The following RYR3 variants were observed in gnomAD, a reference collection of about 807,000 sequenced individuals.
The protein encoded by RYR3 is ryanodine receptor 3.
RYR3 carries 207 observed loss-of-function variants against 584.3 expected under a neutral mutation model. The observed-to-expected ratio is 0.35, with a 90% CI of 0.32 to 0.40. The LOEUF is 0.40. RYR3 is among the 10% of genes least tolerant of loss of function. RYR3 has a pLI of 1.00. For synonymous variants in RYR3, 2,416 were observed against 2,248.5 expected (o/e 1.07, Z -2.11); for missense variants, 5,616 against 6,089.2 (o/e 0.92, Z 2.59).
chr15:33,819,915 G>T, intron 77 of RYR3, 108 bp downstream of exon 77: 1 of 780,654 alleles, frequency 1.3e-6, no homozygotes, highest in South Asian at 2.1e-5. Context: ...ACTTTGTCAT[G>T]ACATAGGTTT....
At chr15:33,725,749 G>A (rs1233425462) in intron 45 of RYR3, among the ~76,000 whole-genome samples, 10 of 150,322 alleles carry the variant, frequency 6.7e-5, no homozygotes, top group Non-Finnish European at 1.3e-4. Flanking sequence ...CACGAGGTCA[G>A]GAGATCGAGA....
chr15:33,518,138 G>C (rs1394713594), intron 3 of RYR3, among the ~76,000 whole-genome samples: 1 of 152,066 alleles, frequency 6.6e-6, no homozygotes, highest in East Asian at 1.9e-4. Flanking sequence ...TGTTTCTCTG[G>C]CACTTCCTCT....
intron 1 of RYR3, among the ~76,000 whole-genome samples, chr15:33,432,724 G>A (rs2141754438): frequency 6.9e-6 from 1 of 145,260 alleles, no homozygotes; most frequent in African/African-American, 2.7e-5. Context: ...GTTTCACTAT[G>A]TTGGCTAGGC....
intron 62 of RYR3, among the ~76,000 whole-genome samples, chr15:33,769,971 A>G (rs1373027501): frequency 6.6e-6 from 1 of 151,944 alleles, no homozygotes; most frequent in East Asian, 1.9e-4. Context: ...TAAATAAGAG[A>G]GAAGCAGTGG....
chr15:33,821,574 T>G lies in RYR3; in HGVS notation c.10967T>G (p.Leu3656Arg), dbSNP rs1206193119. 6.2e-7 allele frequency: 1 copy of G among 1,614,018 alleles called. No individual in the cohort carries two copies. The highest frequency in any genetic ancestry group is 1.1e-5 in the South Asian group (1 of 91,090). ...VETLKLGIAI[L>R]NGGNAGVQQK... ...ACGCTGAAGCTGGGGATCGCCATTC[T>G]GAACGGAGGCAATGCTGGTGTGCAA... is the stretch of plus-strand genomic sequence containing the variant. The change falls in exon 80 of 104, where the codon CTG becomes CGG. Residue 3656 changes from leucine (L) to arginine (R), a missense_variant. Coordinates refer to ENST00000634891, the MANE Select transcript of RYR3 (RefSeq NM_001036.6).
At chr15:33,322,873 G>T (rs1216675078) in intron 1 of RYR3, among the ~76,000 whole-genome samples, 1 of 151,308 alleles carries the variant, frequency 6.6e-6, no homozygotes, top group Non-Finnish European at 1.5e-5. Context: ...TCACACTCTT[G>T]TCTACCTTAT....
intron 1 of RYR3, among the ~76,000 whole-genome samples, chr15:33,409,981 C>T (rs573923807): frequency 1.9e-4 from 29 of 152,260 alleles, no homozygotes; most frequent in South Asian, 6.2e-4. Context: ...TCCCTCACTT[C>T]GAGCAGCTCA....
intron 12 of RYR3, 92 bp from the exon 13 acceptor site, chr15:33,579,884 G>A (rs1204588044): frequency 2.1e-5 from 20 of 941,090 alleles, no homozygotes; most frequent in Non-Finnish European, 2.5e-5. Context: ...ATGGTGCACC[G>A]TGGGGGGCTG....
rs149779985 is a variant in RYR3, at chr15:33,529,372, A to G, written c.280-1220A>G. ...TGACAGAGTGATGCTATTAATCCAA[A>G]TAGAATTGAAATAAAATTACTCCAG... On this transcript the variant is annotated intron_variant, in intron 3 of 103. Transcript: ENST00000634891. Among the ~76,000 whole-genome samples, 44 of 152,280 alleles carry G rather than the reference A, an allele frequency of 2.9e-4. No individual in the cohort carries two copies. In the East Asian group the frequency reaches 7.7e-3, roughly 27 times the overall value.
At chr15:33,573,542 A>G (rs2058143761) in intron 12 of RYR3, among the ~76,000 whole-genome samples, 1 of 152,236 alleles carries the variant, frequency 6.6e-6, no homozygotes, top group Non-Finnish European at 1.5e-5. Context: ...GGAGTCTGAA[A>G]AACTCTGCTG....
chr15:33,473,152 C>G (rs2049070362), intron 1 of RYR3, among the ~76,000 whole-genome samples: 1 of 152,156 alleles, frequency 6.6e-6, no homozygotes, highest in African/African-American at 2.4e-5. Context: ...ATGCTTTGCA[C>G]AGCTCTCAGA....
chr15:33,538,938 A>G (rs2055568131), intron 5 of RYR3, among the ~76,000 whole-genome samples: 1 of 152,090 alleles, frequency 6.6e-6, no homozygotes, highest in African/African-American at 2.4e-5. Context: ...AGGGGGAGAC[A>G]AAGATGAAAG....
At chr15:33,646,170 GT>G (rs935804932) in intron 28 of RYR3, 180 bp from the exon 29 acceptor site, 1 of 533,390 alleles carries the variant, frequency 1.9e-6, no homozygotes, top group African/African-American at 1.9e-5. Context: ...GAGCAGATCT[GT>G]TTCTTCCTAC....
rs1163020489 is a variant in RYR3 at position 33,756,382 on chromosome 15, C to G, written c.8583+9C>G. 6 of 1,556,110 alleles carry G rather than the reference C, an allele frequency of 3.9e-6. No individual in the cohort carries two copies. In the East Asian group the frequency reaches 1.4e-4, roughly 37 times the overall value. ...TCAAATTCTTTGCCAAAGTAAGTGG[C>G]CCTGCACTTAATCAAATTACTTTCT... is the stretch of plus-strand genomic sequence containing the variant. On this transcript the variant is annotated intron_variant, in intron 59 of 103. Coordinates refer to ENST00000634891, the MANE Select transcript of RYR3 (RefSeq NM_001036.6).
Position 33,353,940 on chromosome 15 carries a change from T to A in RYR3, c.51+42844T>A, listed in dbSNP as rs138468893. Among the ~76,000 whole-genome samples, 104 of 152,330 alleles carry A rather than the reference T, an allele frequency of 6.8e-4. No individual in the cohort carries two copies. The South Asian group carries it at 1.0e-2, about 15-fold the overall frequency. ...GTTTTAACTCTGGGGAATGGAAAAC[T>A]GTGACTCCAGCCTTTTGAAAGATCC... On this transcript the variant is annotated intron_variant, in intron 1 of 103. Coordinates refer to ENST00000634891, the MANE Select transcript of RYR3 (RefSeq NM_001036.6).
chr15:33,853,168 T>A (rs544977995), intron 95 of RYR3, 81 bp downstream of exon 95: 1 of 1,151,114 alleles, frequency 8.7e-7, no homozygotes, highest in Admixed American at 2.9e-5. Flanking sequence ...CATACAAACA[T>A]GAGTAAATGT....
At chr15:33,498,049 C>A (rs908218724) in intron 2 of RYR3, among the ~76,000 whole-genome samples, 38 of 152,148 alleles carry the variant, frequency 2.5e-4, no homozygotes, top group African/African-American at 8.7e-4. Flanking sequence ...GGATTTTAAT[C>A]TTTTTTATGG....
chr15:33,696,162 C>T lies in RYR3; in HGVS notation c.5861-56C>T, dbSNP rs185247996. The T allele has an allele frequency of 1.6e-4, 253 of 1,539,090 alleles. 3 individuals are homozygous for T. In the Middle Eastern group the frequency reaches 2.5e-3, roughly 15 times the overall value. On this transcript the variant is annotated intron_variant, in intron 38 of 103. Transcript: ENST00000634891. ...ATTTGCATGAAGTGGCTGAAACACC[C>T]AGCTCTCCCTGAGCCATGACAGCCA...
At chr15:33,804,661 T>C (rs1479808353) in intron 69 of RYR3, among the ~76,000 whole-genome samples, 1 of 152,236 alleles carries the variant, frequency 6.6e-6, no homozygotes, top group Non-Finnish European at 1.5e-5. Context: ...TAGCCATTTC[T>C]GGTATTTTTT....
Sources: allele counts gnomAD v4.1 joint callset (sites outside exome capture counted in the v4.1 genomes callset), GRCh38; gene constraint gnomAD v4.1.1; transcripts MANE v1.5; gene names NCBI Gene and HGNC (gene_info 2026-07-23, HGNC 2026-07-21).